MECOM: variants seen among roughly 807,000 people sequenced by gnomAD.
The protein encoded by MECOM is MDS1 and EVI1 complex locus.
In MECOM, 13 loss-of-function variants were observed where a neutral mutation model predicts 116.3. That is an observed-to-expected ratio of 0.11 (90% CI 0.07 to 0.18). MECOM has a LOEUF of 0.18. Ranked by LOEUF, MECOM falls within the 10% of genes least tolerant of loss-of-function variation. The pLI is 1.00. For synonymous variants in MECOM, 528 were observed against 535.2 expected, an observed-to-expected ratio of 0.99 and a Z score of 0.19; for missense variants, 1,299 against 1,509.0, an observed-to-expected ratio of 0.86 and a Z score of 2.31.
chr3:169,098,486 C>T (rs1479550892), intron 12 of MECOM, among the ~76,000 whole-genome samples: 1 of 152,210 alleles, frequency 6.6e-6, no homozygotes, highest in Non-Finnish European at 1.5e-5. Flanking sequence ...CCTCTCAGTG[C>T]ATCCTATCAA....
At chr3:169,224,279 G>T (rs1160353831) in intron 2 of MECOM, among the ~76,000 whole-genome samples, 1 of 152,158 alleles carries the variant, frequency 6.6e-6, no homozygotes, top group Non-Finnish European at 1.5e-5. Flanking sequence ...GAGTATCTGT[G>T]GAAGAACAAA....
intron 2 of MECOM, among the ~76,000 whole-genome samples, chr3:169,354,539 C>T (rs1315798622): frequency 2.0e-5 from 3 of 151,792 alleles, no homozygotes; most frequent in Non-Finnish European, 4.4e-5. Flanking sequence ...TTAGTTTGGT[C>T]GTATTACCCA....
chr3:169,425,281 G>T (rs1313951813), intron 1 of MECOM, among the ~76,000 whole-genome samples: 1 of 152,104 alleles, frequency 6.6e-6, no homozygotes, highest in Non-Finnish European at 1.5e-5. Flanking sequence ...GAAGAAATGT[G>T]CATGTCCATG....
intron 1 of MECOM, among the ~76,000 whole-genome samples, chr3:169,632,331 A>G (rs898151505): frequency 2.0e-5 from 3 of 152,132 alleles, no homozygotes; most frequent in African/African-American, 2.4e-5. Context: ...ACTTTCCTTC[A>G]TGCAAAATAT....
chr3:169,288,691 T>C lies in MECOM; in HGVS notation c.375+92496A>G, dbSNP rs550509896. Reference sequence around the variant, plus strand: ...TCATGTAATCTGCTGCGTGTGCGTCTGTGTGTGTGTGTTCCAAGTGCCCTT... The same window carrying C: ...TCATGTAATCTGCTGCGTGTGCGTCCGTGTGTGTGTGTTCCAAGTGCCCTT... On this transcript the variant is annotated intron_variant, in intron 2 of 16. Transcript: ENST00000651503. Among the ~76,000 whole-genome samples, 8 of 151,990 alleles carry C rather than the reference T, an allele frequency of 5.3e-5. 1 individual carries two copies. The South Asian group carries it at 1.7e-3, about 32-fold the overall frequency.
At chr3:169,254,543 G>C (rs1367806545) in intron 2 of MECOM, among the ~76,000 whole-genome samples, 1 of 152,008 alleles carries the variant, frequency 6.6e-6, no homozygotes, top group Non-Finnish European at 1.5e-5. Flanking sequence ...CATTTTCTCA[G>C]GGGGAAAAAC....
intron 1 of MECOM, among the ~76,000 whole-genome samples, chr3:169,633,269 G>A (rs1772309227): frequency 6.6e-6 from 1 of 152,192 alleles, no homozygotes; most frequent in Non-Finnish European, 1.5e-5. Context: ...TTCCACTTCA[G>A]AGAAACACAT....
intron 2 of MECOM, among the ~76,000 whole-genome samples, chr3:169,250,422 CAAGTG>C (rs1756116561): frequency 6.6e-6 from 1 of 152,126 alleles, no homozygotes; most frequent in Non-Finnish European, 1.5e-5. Flanking sequence ...ACCCGCATAC[CAAGTG>C]AAGACCTTTA....
chr3:169,628,525 A>C (rs1359136346), intron 1 of MECOM, among the ~76,000 whole-genome samples: 1 of 152,228 alleles, frequency 6.6e-6, no homozygotes, highest in African/African-American at 2.4e-5. Flanking sequence ...TGAGGATTCA[A>C]GGATGAATTA....
intron 1 of MECOM, among the ~76,000 whole-genome samples, chr3:169,425,640 G>A (rs1196622190): frequency 6.6e-6 from 1 of 152,066 alleles, no homozygotes; most frequent in Admixed American, 6.6e-5. Context: ...TTTAGAAAAG[G>A]CATTTTGATT....
chr3:169,152,668 C>T (rs988022952), intron 2 of MECOM, among the ~76,000 whole-genome samples: 6 of 152,098 alleles, frequency 3.9e-5, no homozygotes, highest in Admixed American at 6.6e-5. Flanking sequence ...GCACTGTGTG[C>T]GTTCAGAATT....
At chr3:169,191,720 A>AG (rs1559973271) in intron 2 of MECOM, among the ~76,000 whole-genome samples, 1 of 48,076 alleles carries the variant, frequency 2.1e-5, no homozygotes, top group Non-Finnish European at 4.7e-5. Flanking sequence ...AAGAAAGAAA[A>AG]AAAGAAAGAA....
rs558219353 is a variant in MECOM, at chr3:169,248,511, T to G, written c.376-104679A>C. Among the ~76,000 whole-genome samples, 13 of 152,326 alleles carry G rather than the reference T, an allele frequency of 8.5e-5. No individual in the cohort carries two copies. In the East Asian group the frequency reaches 2.5e-3, roughly 29 times the overall value. ...CTAGGCACTGTTCTAGGAATACCCT[T>G]TTGTTGTCTGTCAATTTGACATCTC... On this transcript the variant is annotated intron_variant, in intron 2 of 16. Transcript: ENST00000651503.
intron 2 of MECOM, among the ~76,000 whole-genome samples, chr3:169,237,695 C>T (rs1333402606): frequency 6.6e-6 from 1 of 150,908 alleles, no homozygotes; most frequent in Non-Finnish European, 1.5e-5. Flanking sequence ...AATGACTATG[C>T]TTCCCAAAAA....
chr3:169,129,030 A>C (rs1733820039), intron 4 of MECOM, among the ~76,000 whole-genome samples: 1 of 152,190 alleles, frequency 6.6e-6, no homozygotes. Context: ...ATGGCCAAGG[A>C]AGATGTTACT....
chr3:169,216,168 A>C (rs2149486071), intron 2 of MECOM, among the ~76,000 whole-genome samples: 1 of 152,324 alleles, frequency 6.6e-6, no homozygotes, highest in African/African-American at 2.4e-5. Flanking sequence ...ACAATAGGGA[A>C]GTTTTCTGGC....
At chr3:169,339,049 T>C (rs905345440) in intron 2 of MECOM, among the ~76,000 whole-genome samples, 3 of 152,062 alleles carry the variant, frequency 2.0e-5, no homozygotes, top group Admixed American at 6.6e-5. Context: ...AGAACCAAAA[T>C]CAATATTGAA....
chr3:169,237,528 A>T (rs1754213670), intron 2 of MECOM, among the ~76,000 whole-genome samples: 1 of 141,776 alleles, frequency 7.1e-6, no homozygotes, highest in Non-Finnish European at 1.5e-5. Flanking sequence ...TCCTTTATTG[A>T]TGTGCTGTCC....
At chr3:169,143,602 C>T (rs1738795385) in intron 3 of MECOM, 96 bp downstream of exon 3, 1 of 1,227,568 alleles carries the variant, frequency 8.1e-7, no homozygotes. Flanking sequence ...AAACAGGCCA[C>T]AAGGGTCTAC....
Sources: allele counts gnomAD v4.1 joint callset (sites outside exome capture counted in the v4.1 genomes callset), GRCh38; gene constraint gnomAD v4.1.1; transcripts MANE v1.5; gene names NCBI Gene and HGNC (gene_info 2026-07-23, HGNC 2026-07-21).